The following SND1 variants were observed in gnomAD, a reference collection of about 807,000 sequenced individuals.
The protein encoded by SND1 is staphylococcal nuclease domain-containing protein 1.
Under a neutral mutation model 121.7 loss-of-function variants are expected in SND1, and 38 were observed. That is an observed-to-expected ratio of 0.31 (90% confidence interval 0.24 to 0.41). The LOEUF (loss-of-function observed/expected upper bound fraction) is 0.41, where lower values mean the gene tolerates loss of function less well. Among genes scored for constraint, SND1 ranks in the 10% least tolerant of loss-of-function variants. The probability of loss-of-function intolerance (pLI) is 1.00; values close to 1 mark genes in which losing one functional copy is unlikely to be tolerated. For synonymous variants in SND1, 401 were observed against 447.4 expected (o/e 0.90, Z 1.31); for missense variants, 868 against 1,184.6 (o/e 0.73, Z 3.92).
intron 10 of SND1, among the ~76,000 whole-genome samples, chr7:127,741,598 C>G (rs1167024271): frequency 2.6e-5 from 4 of 152,144 alleles, no homozygotes. Flanking sequence ...TGAGGTGCTT[C>G]TCTACTAGCC....
intron 16 of SND1, among the ~76,000 whole-genome samples, chr7:128,004,444 G>C (rs1476597383): frequency 6.6e-6 from 1 of 151,854 alleles, no homozygotes; most frequent in African/African-American, 2.4e-5. Context: ...CCAGTTGGTA[G>C]AATAGGAGAA....
chr7:127,893,840 T>C (rs1006534786), intron 13 of SND1, among the ~76,000 whole-genome samples: 3 of 152,038 alleles, frequency 2.0e-5, no homozygotes. Context: ...CCTGGTCCCC[T>C]GAAGGACTCA....
chr7:127,987,906 C>A (rs1584718478), intron 15 of SND1, among the ~76,000 whole-genome samples: 1 of 143,424 alleles, frequency 7.0e-6, no homozygotes, highest in Middle Eastern at 3.4e-3. Flanking sequence ...TAAAAATAAC[C>A]CCCCAAATAA....
In SND1 at chr7:127,704,985, T is replaced by C. The variant is rs1796164279; in HGVS notation, c.947+40T>C. The C allele has an allele frequency of 4.6e-6, 7 of 1,519,622 alleles. No homozygotes were observed. The Middle Eastern group carries it at 8.5e-4, about 185-fold the overall frequency. The allele number at this position is 1,519,622 out of a possible 1,614,324, so 94.1% of individuals were successfully genotyped here. On this transcript the variant is annotated intron_variant, in intron 8 of 23. Transcript: ENST00000354725. ...AGAGGCCTTCCAGCTGTGGATCTTG[T>C]TAAGGATCTTTAGGGAAAGAAATCT...
intron 10 of SND1, among the ~76,000 whole-genome samples, chr7:127,733,423 C>A (rs1205880844): frequency 6.6e-6 from 1 of 152,154 alleles, no homozygotes; most frequent in Admixed American, 6.5e-5. Context: ...GATTTTTGAA[C>A]AGTTCTGAAG....
At chr7:127,751,082 A>G (rs1194776329) in intron 10 of SND1, among the ~76,000 whole-genome samples, 1 of 152,130 alleles carries the variant, frequency 6.6e-6, no homozygotes, top group Non-Finnish European at 1.5e-5. Flanking sequence ...AAGCAGATCT[A>G]GAAAATTAGT....
chr7:127,960,192 C>T (rs990632017), intron 15 of SND1, among the ~76,000 whole-genome samples: 1 of 152,210 alleles, frequency 6.6e-6, no homozygotes, highest in African/African-American at 2.4e-5. Context: ...GTCACAGACA[C>T]CCTGTTTTTC....
chr7:128,033,564 C>T (rs1002199279), intron 16 of SND1, among the ~76,000 whole-genome samples: 15 of 152,310 alleles, frequency 9.8e-5, no homozygotes, highest in Non-Finnish European at 1.8e-4. Context: ...GCCCAGTAAC[C>T]TGAACCTCTT....
chr7:127,904,182 A>T (rs888852694), intron 13 of SND1, among the ~76,000 whole-genome samples: 3 of 152,162 alleles, frequency 2.0e-5, no homozygotes, highest in Non-Finnish European at 4.4e-5. Context: ...CCCTCTTATT[A>T]TAGCTAAGAC....
chr7:127,998,493 G>A (rs1047866503), intron 16 of SND1: 2 of 155,038 alleles, frequency 1.3e-5, no homozygotes, highest in African/African-American at 4.8e-5. Flanking sequence ...TCCCTCTCTG[G>A]TATGTTTCTG....
At chr7:127,933,895 G>A (rs1563062981) in intron 15 of SND1, among the ~76,000 whole-genome samples, 1 of 152,176 alleles carries the variant, frequency 6.6e-6, no homozygotes, top group Non-Finnish European at 1.5e-5. Context: ...TTTTCCCTCT[G>A]AGACTTTGGA....
chr7:128,045,246 A>G (rs886242345), intron 16 of SND1, among the ~76,000 whole-genome samples: 2 of 152,150 alleles, frequency 1.3e-5, no homozygotes. Flanking sequence ...ACAGTTTTCC[A>G]TGGACCCTGG....
At chr7:127,972,030 C>T (rs972427779) in intron 15 of SND1, among the ~76,000 whole-genome samples, 1 of 152,026 alleles carries the variant, frequency 6.6e-6, no homozygotes, top group Non-Finnish European at 1.5e-5. Flanking sequence ...CCGCCTCGGC[C>T]TCCCAAAGTG....
chr7:127,968,829 C>T (rs1182397382), intron 15 of SND1, among the ~76,000 whole-genome samples: 1 of 152,304 alleles, frequency 6.6e-6, no homozygotes, highest in East Asian at 1.9e-4. Flanking sequence ...AGAAGAAAAT[C>T]AAGGGCCCTG....
At chr7:128,011,627 GCTA>G (rs1207923202) in intron 16 of SND1, among the ~76,000 whole-genome samples, 2 of 152,178 alleles carry the variant, frequency 1.3e-5, no homozygotes, top group Non-Finnish European at 2.9e-5. Context: ...GCTTAGGAAA[GCTA>G]CTAATGCCTG....
intron 20 of SND1, 63 bp from the exon 21 acceptor site, chr7:128,086,875 G>T: frequency 7.6e-7 from 1 of 1,320,900 alleles, no homozygotes. Flanking sequence ...ACAGAGAGCT[G>T]TCCTGTGAGA....
chr7:127,888,880 G>C (rs1379058865), intron 13 of SND1, among the ~76,000 whole-genome samples: 2 of 152,114 alleles, frequency 1.3e-5, no homozygotes, highest in Admixed American at 1.3e-4. Context: ...TCTATAGTTA[G>C]AGGAGGAATG....
chr7:128,038,834 T>G (rs1792799244), intron 16 of SND1, among the ~76,000 whole-genome samples: 1 of 152,232 alleles, frequency 6.6e-6, no homozygotes, highest in South Asian at 2.1e-4. Flanking sequence ...AATTAATCTA[T>G]TCAAGACATA....
Position 128,052,675 on chromosome 7 carries a change from C to A in SND1, c.1780-21827C>A, listed in dbSNP as rs558725473. On this transcript the variant is annotated intron_variant, in intron 16 of 23. Coordinates refer to ENST00000354725, the MANE Select transcript of SND1 (RefSeq NM_014390.4). The surrounding 1 kb of genome is among the most constrained non-coding windows in gnomAD (Gnocchi z 4.6). ...AGGCTGTTTGCTGAACACAACTCGTCCGTCAAGGGAAATCAGATGAAATCC... is the reference window on the plus strand; with the variant it reads ...AGGCTGTTTGCTGAACACAACTCGTACGTCAAGGGAAATCAGATGAAATCC... Among the ~76,000 whole-genome samples, 4 of 152,346 alleles carry A rather than the reference C, an allele frequency of 2.6e-5. No individual in the cohort carries two copies. In the East Asian group the frequency reaches 7.7e-4, roughly 29 times the overall value.
Sources: gnomAD v4.1 joint callset for allele counts (sites outside exome capture counted in the v4.1 genomes callset) on GRCh38, gnomAD v4.1.1 for gene constraint, Gnocchi (gnomAD v3.1) non-coding constraint, MANE v1.5 for transcripts, NCBI Gene and HGNC (gene_info 2026-07-23, HGNC 2026-07-21) for gene names.